DNER: variants seen among roughly 807,000 people sequenced by gnomAD.
DNER encodes the protein delta and Notch-like epidermal growth factor-related receptor.
Under a neutral mutation model 78.2 loss-of-function variants are expected in DNER, and 33 were observed. That is an observed-to-expected ratio of 0.42 (90% confidence interval 0.32 to 0.56). DNER has a LOEUF of 0.56. Ranked by LOEUF, DNER falls within the 20% of genes least tolerant of loss-of-function variation. The pLI is 0.11. For missense variants in DNER, 918 were observed against 975.3 expected (o/e 0.94, Z 0.78); for synonymous variants, 417 against 384.8 (o/e 1.08, Z -0.98).
intron 1 of DNER, among the ~76,000 whole-genome samples, chr2:229,659,956 A>G (rs952790484): frequency 6.6e-6 from 1 of 152,150 alleles, no homozygotes; most frequent in Admixed American, 6.5e-5. Flanking sequence ...TATTTTGTCT[A>G]CATCTTACTG....
chr2:229,399,659 C>T (rs957705239), intron 10 of DNER, among the ~76,000 whole-genome samples: 5 of 151,758 alleles, frequency 3.3e-5, no homozygotes, highest in Non-Finnish European at 7.4e-5. Context: ...GTTGTTATGA[C>T]ATAATAAAGG....
intron 4 of DNER, among the ~76,000 whole-genome samples, chr2:229,567,790 T>C (rs1697141000): frequency 6.6e-6 from 1 of 152,230 alleles, no homozygotes; most frequent in Non-Finnish European, 1.5e-5. Flanking sequence ...TTAAATTCTG[T>C]AATTCAATGT....
At chr2:229,394,965 C>T (rs1434018552) in intron 10 of DNER, among the ~76,000 whole-genome samples, 34 of 152,154 alleles carry the variant, frequency 2.2e-4, no homozygotes, top group Non-Finnish European at 5.9e-5. Context: ...GAGGGACCTA[C>T]AAAAAGGAAC....
chr2:229,638,402 G>T (rs1698561960), intron 1 of DNER, among the ~76,000 whole-genome samples: 1 of 152,170 alleles, frequency 6.6e-6, no homozygotes, highest in South Asian at 2.1e-4. Context: ...GAAGAGTCCA[G>T]AAATAGACAC....
At chr2:229,645,947 T>TC (rs1029652306) in intron 1 of DNER, among the ~76,000 whole-genome samples, 1 of 152,190 alleles carries the variant, frequency 6.6e-6, no homozygotes, top group East Asian at 1.9e-4. Context: ...GGTCTAGTTC[T>TC]CCCCAAGGAA....
At chr2:229,702,287 C>T (rs1290454488) in intron 1 of DNER, 2 of 152,942 alleles carry the variant, frequency 1.3e-5, no homozygotes, top group Admixed American at 1.3e-4. Context: ...GTAATCCCAG[C>T]ACTTTGGGAG....
At chr2:229,540,567 T>C (rs1696491700) in intron 5 of DNER, among the ~76,000 whole-genome samples, 1 of 152,306 alleles carries the variant, frequency 6.6e-6, no homozygotes, top group Admixed American at 6.5e-5. Context: ...GTGGGTATTA[T>C]CAAGCAATGG....
rs186842432 is a variant in DNER at position 229,483,284 on chromosome 2, T to C, written c.1148-6031A>G. 1.4e-3 allele frequency among the ~76,000 whole-genome samples: 220 copies of C among 152,282 alleles called. 1 individual carries two copies. The highest frequency in any genetic ancestry group is 2.4e-3 in the Non-Finnish European group (164 of 68,028). ...AGTTAGCTTAGGATAATGAAGCTCT[T>C]CCATTAGCGGTATGAGTCTTCCAAT... On this transcript the variant is annotated intron_variant, in intron 6 of 12. Transcript: ENST00000341772.
intron 8 of DNER, among the ~76,000 whole-genome samples, chr2:229,435,019 GA>G (rs1192817098): frequency 6.7e-6 from 1 of 149,492 alleles, no homozygotes; most frequent in Non-Finnish European, 1.5e-5. Flanking sequence ...ATGGTAGATT[GA>G]AAAAAAAATA....
intron 8 of DNER, among the ~76,000 whole-genome samples, chr2:229,427,402 G>T (rs13423680): frequency 6.6e-6 from 1 of 152,224 alleles, no homozygotes; most frequent in South Asian, 2.1e-4. Context: ...CCTGCTATGT[G>T]TCAGGCACTG....
intron 10 of DNER, among the ~76,000 whole-genome samples, chr2:229,390,596 T>C (rs1692992537): frequency 6.6e-6 from 1 of 152,182 alleles, no homozygotes; most frequent in Non-Finnish European, 1.5e-5. Flanking sequence ...GGGAAAAAAA[T>C]AGGATGACCT....
intron 1 of DNER, among the ~76,000 whole-genome samples, chr2:229,602,181 G>A (rs952024998): frequency 4.6e-5 from 7 of 151,932 alleles, no homozygotes; most frequent in South Asian, 2.1e-4. Context: ...TGCCTCTTTC[G>A]TACTCAGGAA....
At chr2:229,686,380 T>C (rs190318693) in intron 1 of DNER, among the ~76,000 whole-genome samples, 1 of 152,276 alleles carries the variant, frequency 6.6e-6, no homozygotes, top group East Asian at 1.9e-4. Context: ...TTACCATGGC[T>C]GTCCTGGGAT....
At chr2:229,467,271 A>C (rs1400780046) in intron 7 of DNER, among the ~76,000 whole-genome samples, 1 of 152,240 alleles carries the variant, frequency 6.6e-6, no homozygotes, top group Non-Finnish European at 1.5e-5. Context: ...GTCTTTAAAA[A>C]TGGGCTAAAT....
chr2:229,396,551 G>T (rs1053190201), intron 10 of DNER, among the ~76,000 whole-genome samples: 3 of 152,168 alleles, frequency 2.0e-5, no homozygotes, highest in Non-Finnish European at 2.9e-5. Flanking sequence ...ACCACCTAAG[G>T]TATGGAGCCC....
chr2:229,557,328 A>G (rs1281532674), intron 4 of DNER, among the ~76,000 whole-genome samples: 4 of 152,232 alleles, frequency 2.6e-5, no homozygotes, highest in Admixed American at 6.5e-5. Context: ...GTCAATGTAC[A>G]TAGCATAGTT....
intron 4 of DNER, among the ~76,000 whole-genome samples, chr2:229,567,653 A>C (rs550451902): frequency 6.6e-6 from 1 of 152,352 alleles, no homozygotes; most frequent in South Asian, 2.1e-4. Context: ...CAATTTAGGT[A>C]GAAGGCCTCA....
chr2:229,643,855 G>C (rs1042136474), intron 1 of DNER, among the ~76,000 whole-genome samples: 1 of 152,058 alleles, frequency 6.6e-6, no homozygotes, highest in Non-Finnish European at 1.5e-5. Context: ...TTCATTTTGT[G>C]ATTTTCTTTT....
intron 1 of DNER, among the ~76,000 whole-genome samples, chr2:229,643,281 G>A (rs1301870693): frequency 6.6e-6 from 1 of 152,132 alleles, no homozygotes; most frequent in Admixed American, 6.5e-5. Context: ...TACCTATGTG[G>A]TCTTAGGCAA....
Sources: gnomAD v4.1 joint callset for allele counts (sites outside exome capture counted in the v4.1 genomes callset) on GRCh38, gnomAD v4.1.1 for gene constraint, MANE v1.5 for transcripts, NCBI Gene and HGNC (gene_info 2026-07-23, HGNC 2026-07-21) for gene names.